The following SLC12A6 variants were observed in gnomAD, a reference collection of about 807,000 sequenced individuals.
The protein encoded by SLC12A6 is K-Cl cotransporter 3.
In SLC12A6, 66 loss-of-function variants were observed where a neutral mutation model predicts 135.3. That is an observed-to-expected ratio of 0.49 (90% CI 0.40 to 0.60). The LOEUF is 0.60. Among genes scored for constraint, SLC12A6 ranks in the 20% least tolerant of loss-of-function variants. SLC12A6 has a pLI of 0.00. For synonymous variants in SLC12A6, 513 were observed against 508.8 expected (o/e 1.01, Z -0.11); for missense variants, 1,058 against 1,452.3 (o/e 0.73, Z 4.41).
intron 2 of SLC12A6, among the ~76,000 whole-genome samples, chr15:34,291,694 T>C (rs1414167189): frequency 6.6e-6 from 1 of 152,168 alleles, no homozygotes; most frequent in Non-Finnish European, 1.5e-5. Flanking sequence ...TTCACTTTTT[T>C]TTCTCTAATC....
At chr15:34,257,841 T>C (rs2140747932) in intron 5 of SLC12A6, 53 bp from the exon 6 acceptor site, 1 of 1,265,590 alleles carries the variant, frequency 7.9e-7, no homozygotes, top group South Asian at 1.2e-5. Flanking sequence ...AAGAGAGGTT[T>C]TTATTCTTTT....
chr15:34,245,403 C>A lies in SLC12A6; in HGVS notation c.1825G>T (p.Val609Phe). ...CCATTGGCTTTGCTGTGGCCAAAAA[C>A]CTGTACACAGAAGGGAAATATCAGG... ...AKDNIIPFLRVFGHSKANGEP... is the reference protein window; with the variant it reads ...AKDNIIPFLRFFGHSKANGEP... The change falls in exon 15 of 26, where the codon GTT becomes TTT. Residue 609 changes from valine to phenylalanine, a missense_variant and splice_region_variant. Physicochemically the swap from Val to Phe is conservative, Grantham distance 50. Around this residue, in one of 6 missense-constraint regions of SLC12A6, gnomAD observed 170 missense variants for 297.6 expected, o/e 0.57. Transcript: ENST00000354181. 1 of 1,539,266 alleles carries A rather than the reference C, an allele frequency of 6.5e-7. No individual in the cohort carries two copies.
At chr15:34,319,964 T>C (rs1044100760) in intron 2 of SLC12A6, among the ~76,000 whole-genome samples, 4 of 152,172 alleles carry the variant, frequency 2.6e-5, no homozygotes, top group African/African-American at 9.7e-5. Flanking sequence ...ACTTAATTCT[T>C]GATATAATTT....
At chr15:34,324,975 T>A (rs1483320474) in intron 2 of SLC12A6, among the ~76,000 whole-genome samples, 1 of 152,196 alleles carries the variant, frequency 6.6e-6, no homozygotes, top group African/African-American at 2.4e-5. Flanking sequence ...TTTGTTATTA[T>A]TAGATTTGAC....
chr15:34,249,427 T>C (rs1324902109), intron 13 of SLC12A6, among the ~76,000 whole-genome samples: 1 of 151,744 alleles, frequency 6.6e-6, no homozygotes, highest in Non-Finnish European at 1.5e-5. Flanking sequence ...ACTAGCTGGG[T>C]GTGGTGGTAT....
At chr15:34,315,961 AAAC>A (rs762559036) in intron 2 of SLC12A6, among the ~76,000 whole-genome samples, 4 of 152,272 alleles carry the variant, frequency 2.6e-5, no homozygotes, top group South Asian at 4.1e-4. Flanking sequence ...AAAACAAAAA[AAAC>A]AACAATTCAT....
rs148705880 is a variant in SLC12A6 at position 34,259,558 on chromosome 15, G to A, written c.412-614C>T. Among the ~76,000 whole-genome samples, 1,394 of 152,238 alleles carry A rather than the reference G, an allele frequency of 9.2e-3. 11 individuals are homozygous for A. The highest frequency in any genetic ancestry group is 0.031 in the Middle Eastern group (9 of 294). On this transcript the variant is annotated intron_variant, in intron 4 of 25. Coordinates refer to ENST00000354181, the MANE Select transcript of SLC12A6 (RefSeq NM_001365088.1). The stretch of plus-strand genomic sequence containing the variant: ...CCAGCTACTAGGGAGGCTGAGGTAG[G>A]AGGGTCCTTTGAGCCCAGGAGGTCA...
At position 34,252,283 on chromosome 15, in the gene SLC12A6, C is replaced by G; in HGVS notation, c.1220G>C (p.Gly407Ala). ...NNMTVPSKLWGFFCNSSQFFN... is the reference protein window; with the variant it reads ...NNMTVPSKLWAFFCNSSQFFN... ...AAATTGACTCGAGTTACAGAAGAAT[C>G]CCCATAACTTTGATGGGACTGTCAT... The change falls in exon 10 of 26, where the codon GGA becomes GCA. Residue 407 changes from glycine to alanine, a missense_variant. By Grantham distance (60) the Gly-to-Ala change is moderately conservative. This residue lies in a region of SLC12A6 where 297 missense variants were observed against 318.5 expected (regional missense o/e 0.93). Transcript: ENST00000354181. 3.1e-6 allele frequency: 5 copies of G among 1,603,834 alleles called. No homozygotes were observed. Among genetic ancestry groups the G allele is most frequent in the Non-Finnish European group, 4.3e-6 (5 of 1,170,710 alleles).
At chr15:34,273,898 T>G (rs949882005) in intron 3 of SLC12A6, among the ~76,000 whole-genome samples, 6 of 152,244 alleles carry the variant, frequency 3.9e-5, no homozygotes, top group Admixed American at 2.6e-4. Flanking sequence ...TTTTTTATTA[T>G]AGAGAGTCAA....
At chr15:34,236,675 A>G (rs777065197) in intron 23 of SLC12A6, 33 bp downstream of exon 23, 2 of 1,202,384 alleles carry the variant, frequency 1.7e-6, no homozygotes, top group Admixed American at 3.4e-5. Flanking sequence ...GACTTTAGAG[A>G]GCACGGATTG....
chr15:34,253,902 A>C (rs1307745515), intron 9 of SLC12A6, among the ~76,000 whole-genome samples: 1 of 152,230 alleles, frequency 6.6e-6, no homozygotes, highest in Non-Finnish European at 1.5e-5. Flanking sequence ...TACAAAGTAC[A>C]TTATTTGGGT....
At chr15:34,276,527 G>C (rs1894307467) in intron 2 of SLC12A6, among the ~76,000 whole-genome samples, 1 of 152,168 alleles carries the variant, frequency 6.6e-6, no homozygotes, top group Non-Finnish European at 1.5e-5. Flanking sequence ...AAACAGAAAA[G>C]ACTAAGCTCC....
In SLC12A6 at chr15:34,237,450, C is replaced by T; in HGVS notation, c.2903G>A (p.Arg968His). The T allele has an allele frequency of 6.2e-7, 1 of 1,612,912 alleles. No individual in the cohort carries two copies. The highest frequency in any genetic ancestry group is 8.5e-7 in the Non-Finnish European group (1 of 1,179,192). Reference protein sequence around the residue: ...KDLATFLYHLRIEAEVEVVEM... With the variant: ...KDLATFLYHLHIEAEVEVVEM... ...CACCACTTCTACCTCCGCCTCAATG[C>T]GTAAGTGATATAGGAAGGTGGCTAG... is the stretch of plus-strand genomic sequence containing the variant. Residue 968 changes from arginine to histidine, a missense_variant, in exon 22 of 26, where the codon CGC (arginine) becomes CAC (histidine). By Grantham distance (29) the Arg-to-His change is conservative. Coordinates refer to ENST00000354181, the MANE Select transcript of SLC12A6 (RefSeq NM_001365088.1).
intron 2 of SLC12A6, among the ~76,000 whole-genome samples, chr15:34,332,563 CA>C (rs906878220): frequency 1.6e-4 from 24 of 152,238 alleles, no homozygotes; most frequent in African/African-American, 5.8e-4. Context: ...GCAGGAGGAT[CA>C]TTTGAGGTCA....
intron 2 of SLC12A6, among the ~76,000 whole-genome samples, chr15:34,332,388 A>G (rs955766450): frequency 3.9e-5 from 6 of 152,214 alleles, no homozygotes; most frequent in Non-Finnish European, 8.8e-5. Flanking sequence ...GCAAAGGTAG[A>G]AACTATATGT....
rs1444969789 is a variant in SLC12A6, at chr15:34,251,019, T to A, written c.1372A>T (p.Ile458Phe). 6.2e-7 allele frequency: 1 copy of A among 1,611,928 alleles called. No homozygotes were observed. Among genetic ancestry groups the A allele is most frequent in the African/African-American group, 1.3e-5 (1 of 74,942 alleles). The change falls in exon 11 of 26, where the codon ATC (isoleucine) becomes TTC (phenylalanine). Residue 458 changes from isoleucine (I) to phenylalanine (F), a missense_variant. Ile to Phe is a conservative substitution (Grantham distance 21, BLOSUM62 0). Around this residue, in one of 6 missense-constraint regions of SLC12A6, gnomAD observed 297 missense variants for 318.5 expected, o/e 0.93. Transcript: ENST00000354181. ...GAAGATTTGGCTGAAGGCTTTTCGA[T>A]GATCTCTCCCTTGGGTAGGTAATTA... ...WSNYLPKGEIIEKPSAKSSDV... is the reference protein window; with the variant it reads ...WSNYLPKGEIFEKPSAKSSDV...
chr15:34,323,040 T>C (rs1165906550), intron 2 of SLC12A6, among the ~76,000 whole-genome samples: 6 of 94,770 alleles, frequency 6.3e-5, no homozygotes, highest in African/African-American at 1.6e-4. Context: ...ATTTTCATAA[T>C]AAAATGTTGA....
At chr15:34,317,871 T>C (rs1468214182) in intron 2 of SLC12A6, among the ~76,000 whole-genome samples, 3 of 152,198 alleles carry the variant, frequency 2.0e-5, no homozygotes, top group Non-Finnish European at 2.9e-5. Context: ...ATTGCTTGTT[T>C]AAAAATTCAA....
At chr15:34,257,991 A>G (rs1892867521) in intron 5 of SLC12A6, among the ~76,000 whole-genome samples, 1 of 96,228 alleles carries the variant, frequency 1.0e-5, no homozygotes, top group African/African-American at 3.1e-5. Flanking sequence ...CTAAAGCTAT[A>G]TATTTTAACT....
Sources: gnomAD v4.1 joint callset for allele counts (sites outside exome capture counted in the v4.1 genomes callset) on GRCh38, gnomAD v4.1.1 for gene constraint, gnomAD v4.1.1 regional missense constraint, MANE v1.5 for transcripts, NCBI Gene and HGNC (gene_info 2026-07-23, HGNC 2026-07-21) for gene names.